Variants in AGPS observed in about 807,000 individuals in gnomAD.
AGPS encodes alkyldihydroxyacetonephosphate synthase, peroxisomal.
In AGPS, 26 loss-of-function variants were observed where a neutral mutation model predicts 90.7. That is an observed-to-expected ratio of 0.29 (90% CI 0.21 to 0.40). AGPS has a LOEUF of 0.40. Among genes scored for constraint, AGPS ranks in the 10% least tolerant of loss-of-function variants. AGPS has a pLI of 1.00. For missense variants in AGPS, 540 were observed against 816.1 expected (o/e 0.66, Z 4.12); for synonymous variants, 294 against 285.3 (o/e 1.03, Z -0.31).
At chr2:177,413,621 A>G (rs1685684017) in intron 1 of AGPS, among the ~76,000 whole-genome samples, 1 of 152,234 alleles carries the variant, frequency 6.6e-6, no homozygotes, top group Non-Finnish European at 1.5e-5. Context: ...AGGGAACACA[A>G]GAGTCCAAGT....
chr2:177,403,259 A>G (rs1281474379), intron 1 of AGPS, among the ~76,000 whole-genome samples: 1 of 152,146 alleles, frequency 6.6e-6, no homozygotes. Flanking sequence ...CTACTACAAC[A>G]ATGGAAGGGC....
In AGPS at chr2:177,495,887, C is replaced by T. The variant is rs368963731; in HGVS notation, c.1286-1802C>T. On this transcript the variant is annotated intron_variant, in intron 12 of 19. Transcript: ENST00000264167. ...GAGCCGAGATCACACCACTACTCTC[C>T]AGCCTGGGTGACACAGTGAGACTCT... Among the ~76,000 whole-genome samples, 23 of 143,744 alleles carry T rather than the reference C, an allele frequency of 1.6e-4. No individual in the cohort carries two copies. In the East Asian group the frequency reaches 2.4e-3, roughly 15 times the overall value. 94.3% of individuals were successfully genotyped at this position (143,744 alleles called of 152,430 possible). A position where few individuals can be genotyped will look rare whatever the true frequency, so the allele number is the denominator to read the frequency against.
At chr2:177,455,241 CT>C (rs1258072947) in intron 8 of AGPS, among the ~76,000 whole-genome samples, 9 of 152,112 alleles carry the variant, frequency 5.9e-5, no homozygotes, top group Admixed American at 4.6e-4. Context: ...CTTTGTGCTG[CT>C]TTTTTCTGTA....
intron 1 of AGPS, among the ~76,000 whole-genome samples, chr2:177,419,592 G>T (rs1333223901): frequency 6.6e-6 from 1 of 151,872 alleles, no homozygotes; most frequent in Non-Finnish European, 1.5e-5. Context: ...TTACAACTAT[G>T]AAATATTGGT....
chr2:177,442,570 G>C, intron 7 of AGPS, 84 bp downstream of exon 7: 1 of 1,115,654 alleles, frequency 9.0e-7, no homozygotes, highest in Non-Finnish European at 1.3e-6. Flanking sequence ...CTAGCCACTG[G>C]GCGCTGTGGC....
chr2:177,537,871 T>C (rs1328613897), intron 19 of AGPS, among the ~76,000 whole-genome samples: 1 of 152,130 alleles, frequency 6.6e-6, no homozygotes, highest in Admixed American at 6.6e-5. Context: ...GGAGACACTG[T>C]GGAGCACAGA....
chr2:177,416,612 G>A (rs1009874467), intron 1 of AGPS, among the ~76,000 whole-genome samples: 20 of 148,480 alleles, frequency 1.3e-4, no homozygotes, highest in African/African-American at 3.7e-4. Context: ...TGCCACCTCC[G>A]CCTCCCAGGT....
intron 7 of AGPS, among the ~76,000 whole-genome samples, chr2:177,442,887 T>C (rs1254860299): frequency 6.6e-6 from 1 of 152,044 alleles, no homozygotes; most frequent in African/African-American, 2.4e-5. Context: ...TATTTCATCA[T>C]TACATTTTAC....
Position 177,538,209 on chromosome 2 carries a change from A to G in AGPS, c.*14A>G. On this transcript the variant is annotated 3_prime_UTR_variant, in exon 20 of 20. Transcript: ENST00000264167. ...AACCTTTTATAAATCCATTAGTACC[A>G]TTACAAAAAAATGTCAATTTTTTTT... 1.2e-6 allele frequency: 2 copies of G among 1,611,528 alleles called. No individual in the cohort carries two copies. Among genetic ancestry groups the G allele is most frequent in the Non-Finnish European group, 1.7e-6 (2 of 1,178,244 alleles).
chr2:177,401,963 A>G (rs1574339375), intron 1 of AGPS, among the ~76,000 whole-genome samples: 1 of 152,196 alleles, frequency 6.6e-6, no homozygotes, highest in Middle Eastern at 3.2e-3. Context: ...TGTGCATTAA[A>G]CAAGTATTTA....
intron 8 of AGPS, among the ~76,000 whole-genome samples, chr2:177,449,709 G>A (rs892520897): frequency 2.0e-5 from 3 of 152,142 alleles, no homozygotes; most frequent in Admixed American, 6.5e-5. Context: ...TTATAGGCTC[G>A]GGCCCCTGTG....
At chr2:177,531,811 A>G (rs2079139637) in intron 19 of AGPS, among the ~76,000 whole-genome samples, 1 of 152,130 alleles carries the variant, frequency 6.6e-6, no homozygotes, top group African/African-American at 2.4e-5. Flanking sequence ...TCAGTGGAAC[A>G]GAATAGAGAA....
chr2:177,397,826 C>G (rs1474293171), intron 1 of AGPS, among the ~76,000 whole-genome samples: 1 of 152,178 alleles, frequency 6.6e-6, no homozygotes, highest in Non-Finnish European at 1.5e-5. Flanking sequence ...CCCAGGAATT[C>G]AAGACCAGCC....
At chr2:177,468,562 G>T (rs138339345) in intron 10 of AGPS, 38 bp downstream of exon 10, 2 of 1,400,676 alleles carry the variant, frequency 1.4e-6, no homozygotes, top group South Asian at 1.2e-5. Flanking sequence ...AAAAATACAG[G>T]TTAGTCATGC....
In AGPS at chr2:177,461,714, A is replaced by T. The variant is rs538867497; in HGVS notation, c.871-179A>T. The stretch of plus-strand genomic sequence containing the variant: ...AACATTTTCCACTAGGCAAAAGCTT[A>T]AAAAAATTTTTAGGACTAGTGTGAT... On this transcript the variant is annotated intron_variant, in intron 8 of 19. Transcript: ENST00000264167. 2.2e-3 allele frequency among the ~76,000 whole-genome samples: 334 copies of T among 152,098 alleles called. 1 individual carries two copies. The highest frequency in any genetic ancestry group is 0.017 in the Middle Eastern group (5 of 294).
At chr2:177,456,174 G>C (rs535150764) in intron 8 of AGPS, among the ~76,000 whole-genome samples, 7 of 152,212 alleles carry the variant, frequency 4.6e-5, no homozygotes, top group Non-Finnish European at 1.0e-4. Context: ...GACAGAGTGA[G>C]ACCCTTTCTT....
intron 10 of AGPS, among the ~76,000 whole-genome samples, chr2:177,477,583 A>G (rs567080971): frequency 1.3e-5 from 2 of 152,292 alleles, no homozygotes; most frequent in Non-Finnish European, 2.9e-5. Flanking sequence ...TAATGCATAT[A>G]TTCCAAGATT....
At chr2:177,461,769 T>G in intron 8 of AGPS, 124 bp from the exon 9 acceptor site, 1 of 754,478 alleles carries the variant, frequency 1.3e-6, no homozygotes, top group South Asian at 2.0e-5. Flanking sequence ...TTTTTTGCTA[T>G]GTAGGAATTA....
intron 19 of AGPS, among the ~76,000 whole-genome samples, chr2:177,526,752 G>T (rs997387211): frequency 2.6e-5 from 4 of 152,154 alleles, no homozygotes; most frequent in Admixed American, 2.6e-4. Flanking sequence ...TTCAAAAGAT[G>T]CCTTTAATAA....
Sources: allele counts gnomAD v4.1 joint callset (sites outside exome capture counted in the v4.1 genomes callset), GRCh38; gene constraint gnomAD v4.1.1; transcripts MANE v1.5; gene names NCBI Gene and HGNC (gene_info 2026-07-23, HGNC 2026-07-21).